MAP3K7CL: variants seen among roughly 807,000 people sequenced by gnomAD.
MAP3K7CL encodes MAP3K7 C-terminal like, also known as MAP3K7 C-terminal-like protein.
A neutral mutation model predicts 18.6 loss-of-function variants in MAP3K7CL; 16 were observed. The observed-to-expected ratio is 0.86, with a 90% CI of 0.58 to 1.31. The LOEUF (loss-of-function observed/expected upper bound fraction) is 1.31, where lower values mean the gene tolerates loss of function less well. MAP3K7CL is among the 50% of genes most tolerant of loss of function. MAP3K7CL has a pLI of 0.00. For missense variants in MAP3K7CL, 163 were observed against 174.4 expected (o/e 0.93, Z 0.37); for synonymous variants, 65 against 66.8 (o/e 0.97, Z 0.13).
At chr21:29,089,331 TTACA>T (rs1231064081) in intron 1 of MAP3K7CL, among the ~76,000 whole-genome samples, 3 of 152,180 alleles carry the variant, frequency 2.0e-5, no homozygotes, top group African/African-American at 7.2e-5. Flanking sequence ...AAGATGGGCC[TTACA>T]TTTGTCTTTT....
In MAP3K7CL at chr21:29,172,546, A is replaced by G. The variant is rs2087865669; in HGVS notation, c.249-2166A>G. 2.0e-5 allele frequency among the ~76,000 whole-genome samples: 3 copies of G among 152,088 alleles called. No homozygotes were observed. In the South Asian group the frequency reaches 6.2e-4, roughly 32 times the overall value. ...TGTAGGAGACACTGAGGTTATGTAAATATTTTGTTCCTTATCAGACTTTCA... is the reference window on the plus strand; with the variant it reads ...TGTAGGAGACACTGAGGTTATGTAAGTATTTTGTTCCTTATCAGACTTTCA... On this transcript the variant is annotated intron_variant, in intron 4 of 4. Coordinates refer to ENST00000399928, the MANE Select transcript of MAP3K7CL (RefSeq NM_001286620.2).
At chr21:29,116,958 A>G (rs185586701) in intron 4 of MAP3K7CL, among the ~76,000 whole-genome samples, 107 of 152,266 alleles carry the variant, frequency 7.0e-4, no homozygotes, top group Admixed American at 2.4e-3. Flanking sequence ...TCTAATTTGA[A>G]TTGTTTAGAT....
intron 2 of MAP3K7CL, among the ~76,000 whole-genome samples, chr21:29,148,483 T>C (rs990668688): frequency 6.6e-6 from 1 of 152,206 alleles, no homozygotes; most frequent in Non-Finnish European, 1.5e-5. Context: ...AAATGCTTCT[T>C]AGAACTGCAT....
At position 29,174,769 on chromosome 21, in the gene MAP3K7CL, G is replaced by A. The variant is rs768389557; in HGVS notation, c.306G>A (p.Glu102=). The change falls in exon 5 of 5, where the codon GAG becomes GAA. Residue 102 remains glutamate (E), a synonymous_variant. Transcript: ENST00000399928. Reference sequence around the variant, plus strand: ...AAAAGGAGAAGGTGGATGCTGCTGAGCTGGTTCGGGAATTCGAGGCTCTGA... The same window carrying A: ...AAAAGGAGAAGGTGGATGCTGCTGAACTGGTTCGGGAATTCGAGGCTCTGA... ...QAEKEKVDAA[E]LVREFEALTE... The A allele has an allele frequency of 1.9e-6, 3 of 1,614,186 alleles. No homozygotes were observed. In the Admixed American group the frequency reaches 5.0e-5, roughly 27 times the overall value.
chr21:29,128,654 TA>T (rs2086723635), upstream of MAP3K7CL, among the ~76,000 whole-genome samples: 1 of 152,210 alleles, frequency 6.6e-6, no homozygotes. Context: ...TAGCTTGAAC[TA>T]ATAATTAGAA....
chr21:29,147,453 GTA>G (rs2087158254), intron 2 of MAP3K7CL, among the ~76,000 whole-genome samples: 1 of 151,742 alleles, frequency 6.6e-6, no homozygotes, highest in African/African-American at 2.4e-5. Context: ...TATTGTATCT[GTA>G]TGTGTACTGT....
At chr21:29,114,863 G>A (rs2086479403) in intron 4 of MAP3K7CL, among the ~76,000 whole-genome samples, 1 of 152,164 alleles carries the variant, frequency 6.6e-6, no homozygotes. Context: ...GTCACCCAAG[G>A]TTACTTTCGA....
chr21:29,085,464 G>T (rs892163556), upstream of MAP3K7CL, among the ~76,000 whole-genome samples: 2 of 147,794 alleles, frequency 1.4e-5, no homozygotes, highest in Non-Finnish European at 3.0e-5. Flanking sequence ...GGAGAATGGA[G>T]TGAACCCGGG....
upstream of MAP3K7CL, among the ~76,000 whole-genome samples, chr21:29,082,711 C>T (rs2085856184): frequency 1.3e-5 from 2 of 152,166 alleles, no homozygotes; most frequent in African/African-American, 4.8e-5. Context: ...GCTGTAGATA[C>T]ATGGAGGCAC....
At chr21:29,165,023 T>G (rs1264056866) in intron 4 of MAP3K7CL, among the ~76,000 whole-genome samples, 2 of 152,224 alleles carry the variant, frequency 1.3e-5, no homozygotes, top group South Asian at 4.1e-4. Context: ...AAATGAGATA[T>G]AGACATTTTA....
intron 2 of MAP3K7CL, chr21:29,139,407 C>A (rs984765524): frequency 6.6e-6 from 1 of 152,138 alleles, no homozygotes; most frequent in African/African-American, 2.4e-5. Flanking sequence ...TTGTCACTGT[C>A]CTCTTCCTTC....
chr21:29,136,149 T>C (rs2086880379), intron 2 of MAP3K7CL, among the ~76,000 whole-genome samples: 2 of 152,216 alleles, frequency 1.3e-5, no homozygotes. Flanking sequence ...TTTCAAAGAA[T>C]AGTCAGGGCC....
At chr21:29,170,097 A>G (rs1481136942) in intron 4 of MAP3K7CL, among the ~76,000 whole-genome samples, 1 of 152,232 alleles carries the variant, frequency 6.6e-6, no homozygotes, top group African/African-American at 2.4e-5. Flanking sequence ...CAGATCATCT[A>G]TTTATAAGAT....
intron 3 of MAP3K7CL, among the ~76,000 whole-genome samples, chr21:29,152,261 G>A (rs1219866950): frequency 6.6e-6 from 1 of 152,216 alleles, no homozygotes; most frequent in African/African-American, 2.4e-5. Context: ...AATAGAAGAT[G>A]ACATCTAAAA....
At chr21:29,080,003 G>A (rs546317765) in intron 1 of MAP3K7CL, among the ~76,000 whole-genome samples, 1 of 152,332 alleles carries the variant, frequency 6.6e-6, no homozygotes, top group Admixed American at 6.5e-5. Flanking sequence ...ATGGGAACGA[G>A]AAGGGTGAAA....
At chr21:29,100,458 A>G (rs2146528224) in intron 4 of MAP3K7CL, among the ~76,000 whole-genome samples, 1 of 152,276 alleles carries the variant, frequency 6.6e-6, no homozygotes, top group East Asian at 1.9e-4. Flanking sequence ...AGCTAGTTAG[A>G]GTGTGGATTT....
intron 4 of MAP3K7CL, among the ~76,000 whole-genome samples, chr21:29,104,485 C>G (rs187025020): frequency 1.1e-4 from 17 of 152,252 alleles, no homozygotes; most frequent in Admixed American, 1.0e-3. Flanking sequence ...AAGCAAATCC[C>G]CCACGTGGAG....
intron 4 of MAP3K7CL, chr21:29,109,629 T>C (rs1259238859): frequency 1.9e-5 from 19 of 996,606 alleles, no homozygotes; most frequent in South Asian, 4.5e-5. Flanking sequence ...AGAGTTGATA[T>C]AGTAATGATG....
At chr21:29,155,806 G>A (rs1643217497) in intron 3 of MAP3K7CL, among the ~76,000 whole-genome samples, 1 of 152,168 alleles carries the variant, frequency 6.6e-6, no homozygotes, top group Non-Finnish European at 1.5e-5. Context: ...CCTGGGCTGT[G>A]ACCTCACCCA....
Sources: gnomAD v4.1 joint callset for allele counts (sites outside exome capture counted in the v4.1 genomes callset) on GRCh38, gnomAD v4.1.1 for gene constraint, MANE v1.5 for transcripts, NCBI Gene and HGNC (gene_info 2026-07-23, HGNC 2026-07-21) for gene names.